NYAP2: variants seen among roughly 807,000 people sequenced by gnomAD.
The protein encoded by NYAP2 is neuronal tyrosine-phosphorylated phosphoinositide-3-kinase adapter 2.
A neutral mutation model predicts 50.4 loss-of-function variants in NYAP2; 23 were observed. The ratio of observed to expected loss-of-function variants is 0.46; its 90% CI spans 0.33 to 0.65. NYAP2 has a LOEUF of 0.65. Among genes scored for constraint, NYAP2 ranks in the 30% least tolerant of loss-of-function variants. NYAP2 has a pLI of 0.02. For missense variants in NYAP2, 885 were observed against 861.0 expected (o/e 1.03, Z -0.35); for synonymous variants, 394 against 365.2 (o/e 1.08, Z -0.90).
chr2:225,678,531 T>C, the NYAP2 span, among the ~76,000 whole-genome samples: 1 of 152,286 alleles, frequency 6.6e-6, no homozygotes, highest in South Asian at 2.1e-4. Context: ...TTAGAACCAA[T>C]TAATAGCAGT....
chr2:225,510,891 C>T (rs2106183727), intron 3 of NYAP2, among the ~76,000 whole-genome samples: 1 of 152,080 alleles, frequency 6.6e-6, no homozygotes, highest in East Asian at 1.9e-4. Flanking sequence ...ATGAAGCAGA[C>T]TAAATTGTCA....
At chr2:225,414,552 G>C (rs6715180) in intron 3 of NYAP2, among the ~76,000 whole-genome samples, 120,447 of 152,026 alleles carry the variant, frequency 0.79, 47,908 homozygotes, top group Non-Finnish European at 0.82. Context: ...AAACAGGAAG[G>C]ATAGTCGTGT....
At chr2:225,457,601 A>G (rs1689759387) in intron 3 of NYAP2, among the ~76,000 whole-genome samples, 1 of 152,362 alleles carries the variant, frequency 6.6e-6, no homozygotes, top group East Asian at 1.9e-4. Context: ...AGTCCAGGGA[A>G]CACGATGGAC....
intron 5 of NYAP2, among the ~76,000 whole-genome samples, chr2:225,606,638 A>G (rs1559228232): frequency 6.6e-6 from 1 of 152,278 alleles, no homozygotes; most frequent in Non-Finnish European, 1.5e-5. Context: ...CAGAAATGGT[A>G]GAGACATTGA....
At chr2:225,703,226 G>A in the NYAP2 span, 3 of 151,548 alleles carry the variant, frequency 2.0e-5, no homozygotes, top group Non-Finnish European at 3.0e-5. Context: ...AGTGGATAAC[G>A]GCACTACATT....
intron 5 of NYAP2, among the ~76,000 whole-genome samples, chr2:225,590,968 C>G (rs1692491311): frequency 6.6e-6 from 1 of 152,184 alleles, no homozygotes; most frequent in South Asian, 2.1e-4. Context: ...GTTTGAGAAC[C>G]ACTGATAAAA....
Position 225,448,217 on chromosome 2 carries a change from C to T in NYAP2, c.221+39116C>T, listed in dbSNP as rs570834680. On this transcript the variant is annotated intron_variant, in intron 3 of 6. Transcript: ENST00000636099. ...GTGGAGGAGTTGGAATCTTTTCAGC[C>T]AATTAACACACCACCTCCTGCTTTT... Among the ~76,000 whole-genome samples, 7 of 152,242 alleles carry T rather than the reference C, an allele frequency of 4.6e-5. No homozygotes were observed. In the South Asian group the frequency reaches 1.5e-3, roughly 32 times the overall value.
At chr2:225,615,898 G>C (rs1692980788) in intron 5 of NYAP2, among the ~76,000 whole-genome samples, 1 of 152,092 alleles carries the variant, frequency 6.6e-6, no homozygotes, top group African/African-American at 2.4e-5. Context: ...GGCAGAGCAG[G>C]GGCAATGCTT....
chr2:225,406,876 T>C (rs538032659), intron 2 of NYAP2, among the ~76,000 whole-genome samples: 3 of 152,106 alleles, frequency 2.0e-5, no homozygotes, highest in South Asian at 4.1e-4. Flanking sequence ...ATTTGGAATA[T>C]AGAAACTGCG....
At chr2:225,671,094 A>C in the NYAP2 span, among the ~76,000 whole-genome samples, 1 of 152,254 alleles carries the variant, frequency 6.6e-6, no homozygotes, top group African/African-American at 2.4e-5. Flanking sequence ...ATTTCTTAAA[A>C]TAGGACAACA....
At chr2:225,408,119 T>G (rs1694972212) in intron 2 of NYAP2, among the ~76,000 whole-genome samples, 2 of 151,954 alleles carry the variant, frequency 1.3e-5, no homozygotes, top group Admixed American at 1.3e-4. Flanking sequence ...TAATTTTGGT[T>G]TCTCAGTAAT....
chr2:225,596,348 A>G (rs1459595566), intron 5 of NYAP2, among the ~76,000 whole-genome samples: 1 of 152,196 alleles, frequency 6.6e-6, no homozygotes, highest in Non-Finnish European at 1.5e-5. Flanking sequence ...ATGTGTGTTT[A>G]AATATTTGCC....
At chr2:225,555,074 T>A (rs1295173071) in intron 4 of NYAP2, among the ~76,000 whole-genome samples, 1 of 152,174 alleles carries the variant, frequency 6.6e-6, no homozygotes, top group African/African-American at 2.4e-5. Flanking sequence ...TCCATCTTTA[T>A]TATCTATACA....
At chr2:225,570,763 C>A (rs1024637296) in intron 4 of NYAP2, among the ~76,000 whole-genome samples, 1 of 152,194 alleles carries the variant, frequency 6.6e-6, no homozygotes, top group African/African-American at 2.4e-5. Context: ...CTCATGTCCT[C>A]ACATTTCAAT....
chr2:225,525,710 C>G (rs755612643), intron 4 of NYAP2, among the ~76,000 whole-genome samples: 1 of 152,110 alleles, frequency 6.6e-6, no homozygotes, highest in Non-Finnish European at 1.5e-5. Flanking sequence ...AACAAAAGCC[C>G]AGCACACAGA....
intron 4 of NYAP2, among the ~76,000 whole-genome samples, chr2:225,557,520 CATAAAT>C (rs1691801267): frequency 6.6e-6 from 1 of 151,920 alleles, no homozygotes; most frequent in South Asian, 2.1e-4. Flanking sequence ...TGAGACAAAA[CATAAAT>C]ATAATTTCAG....
exon 7 of NYAP2, chr2:225,651,466 G>T: frequency 6.2e-7 from 1 of 1,613,952 alleles, no homozygotes; most frequent in Non-Finnish European, 8.5e-7. Context: ...GCCGGTCTGC[G>T]TCGACGTCAG....
Position 225,503,323 on chromosome 2 carries a change from T to C in NYAP2, c.222-10048T>C, listed in dbSNP as rs572026835. Among the ~76,000 whole-genome samples, 40 of 152,332 alleles carry C rather than the reference T, an allele frequency of 2.6e-4. No homozygotes were observed. In the Middle Eastern group the frequency reaches 0.01, roughly 39 times the overall value. ...TCTGAATATTATAATTTATTTTCCA[T>C]ATACCCTCTCTTTAGGCCATGACAC... On this transcript the variant is annotated intron_variant, in intron 3 of 6. Coordinates refer to ENST00000636099, the Ensembl canonical transcript of NYAP2.
chr2:225,497,888 A>C (rs1450302842), intron 3 of NYAP2, among the ~76,000 whole-genome samples: 2 of 152,162 alleles, frequency 1.3e-5, no homozygotes, highest in Non-Finnish European at 2.9e-5. Context: ...TACTGAGATC[A>C]GTTCCCTTTA....
Sources: allele counts gnomAD v4.1 joint callset (sites outside exome capture counted in the v4.1 genomes callset), GRCh38; gene constraint gnomAD v4.1.1; transcripts MANE v1.5; gene names NCBI Gene and HGNC (gene_info 2026-07-23, HGNC 2026-07-21).